BNC2: variants seen among roughly 807,000 people sequenced by gnomAD.
The protein encoded by BNC2 is zinc finger protein basonuclin-2.
Under a neutral mutation model 76.3 loss-of-function variants are expected in BNC2, and 20 were observed. That is an observed-to-expected ratio of 0.26 (90% CI 0.18 to 0.38). BNC2 has a LOEUF of 0.38. Ranked by LOEUF, BNC2 falls within the 10% of genes least tolerant of loss-of-function variation. The probability of loss-of-function intolerance (pLI) is 1.00; values close to 1 mark genes in which losing one functional copy is unlikely to be tolerated. For missense variants in BNC2, 1,382 were observed against 1,399.8 expected, an observed-to-expected ratio of 0.99 and a Z score of 0.20; for synonymous variants, 582 against 514.8, an observed-to-expected ratio of 1.13 and a Z score of -1.77.
At chr9:16,870,489 T>C (rs1476634292) in intron 1 of BNC2, among the ~76,000 whole-genome samples, 157 bp downstream of exon 1, 1 of 151,830 alleles carries the variant, frequency 6.6e-6, no homozygotes, top group Admixed American at 6.6e-5. Flanking sequence ...GGACCGGGGT[T>C]CTGGTCCCCG....
intron 5 of BNC2, among the ~76,000 whole-genome samples, chr9:16,542,910 A>G (rs1002193898): frequency 1.3e-5 from 2 of 152,166 alleles, no homozygotes; most frequent in Admixed American, 6.6e-5. Context: ...CAGCACTTGA[A>G]GTAAGTCACT....
intron 3 of BNC2, among the ~76,000 whole-genome samples, chr9:16,628,344 C>T (rs1245661514): frequency 6.6e-6 from 1 of 152,160 alleles, no homozygotes; most frequent in African/African-American, 2.4e-5. Context: ...GAGAAAGTTT[C>T]AGAAATTACA....
intron 5 of BNC2, among the ~76,000 whole-genome samples, chr9:16,494,030 G>T (rs1322766771): frequency 6.6e-6 from 1 of 152,178 alleles, no homozygotes; most frequent in Non-Finnish European, 1.5e-5. Flanking sequence ...GTTTGGTTTT[G>T]TCCTAGGCAC....
Position 16,756,883 on chromosome 9 carries a change from C to T in BNC2, c.4-18398G>A, listed in dbSNP as rs192409250. On this transcript the variant is annotated intron_variant, in intron 1 of 6. Transcript: ENST00000380672. ...GCAGGTGCCTGTAGTCCCAGCTACT[C>T]GGGAGGCTGAGGCAGGAGAATGGCC... is the stretch of plus-strand genomic sequence containing the variant. Among the ~76,000 whole-genome samples, 884 of 151,386 alleles carry T rather than the reference C, an allele frequency of 5.8e-3. 4 individuals are homozygous for T. Among genetic ancestry groups the T allele is most frequent in the African/African-American group, 0.019 (799 of 41,170 alleles).
chr9:16,658,092 T>C (rs956596404), intron 3 of BNC2, among the ~76,000 whole-genome samples: 7 of 152,218 alleles, frequency 4.6e-5, no homozygotes, highest in African/African-American at 1.7e-4. Flanking sequence ...GAGATCCTAA[T>C]TTACTAATTT....
chr9:16,803,365 T>C (rs1455838223), intron 1 of BNC2, among the ~76,000 whole-genome samples: 1 of 152,196 alleles, frequency 6.6e-6, no homozygotes, highest in Non-Finnish European at 1.5e-5. Flanking sequence ...AATACGTACC[T>C]CTGCCCCAAA....
chr9:16,499,353 T>G (rs1325036413), intron 5 of BNC2, among the ~76,000 whole-genome samples: 1 of 152,096 alleles, frequency 6.6e-6, no homozygotes, highest in South Asian at 2.1e-4. Context: ...AATTAGTTTG[T>G]ATTAATCTAC....
chr9:16,749,463 G>A (rs1825117938), intron 1 of BNC2, among the ~76,000 whole-genome samples: 1 of 152,156 alleles, frequency 6.6e-6, no homozygotes, highest in Non-Finnish European at 1.5e-5. Context: ...TGGGAGACCA[G>A]GGCGGGAAAG....
intron 3 of BNC2, among the ~76,000 whole-genome samples, chr9:16,588,455 G>A (rs1587205271): frequency 6.6e-6 from 1 of 152,162 alleles, no homozygotes; most frequent in Admixed American, 6.5e-5. Flanking sequence ...TTATGGTTCA[G>A]AAACGTTTAT....
intron 1 of BNC2, among the ~76,000 whole-genome samples, chr9:16,860,765 G>A (rs1222517979): frequency 1.3e-5 from 2 of 152,136 alleles, no homozygotes; most frequent in Admixed American, 6.5e-5. Context: ...AGCCGGGGCT[G>A]GGCGTGGTGG....
chr9:16,857,860 G>A (rs1240225029), intron 1 of BNC2, among the ~76,000 whole-genome samples: 1 of 152,208 alleles, frequency 6.6e-6, no homozygotes, highest in Admixed American at 6.5e-5. Context: ...AGAACTGTAA[G>A]GGAATGAATA....
intron 3 of BNC2, among the ~76,000 whole-genome samples, chr9:16,636,192 A>C (rs752996584): frequency 6.6e-6 from 1 of 152,206 alleles, no homozygotes; most frequent in Non-Finnish European, 1.5e-5. Flanking sequence ...TTGGTCATAT[A>C]ATCATAATGC....
intron 3 of BNC2, among the ~76,000 whole-genome samples, chr9:16,594,818 G>T (rs1006711304): frequency 2.0e-5 from 3 of 152,038 alleles, no homozygotes; most frequent in Non-Finnish European, 4.4e-5. Flanking sequence ...CTCAGCCTGG[G>T]CATGGGAGGA....
At chr9:16,514,246 A>AAATTAG (rs1337208385) in intron 5 of BNC2, among the ~76,000 whole-genome samples, 2 of 152,178 alleles carry the variant, frequency 1.3e-5, no homozygotes, top group African/African-American at 4.8e-5. Flanking sequence ...GCAGCCTGAG[A>AAATTAG]GTTACTAGGT....
At chr9:16,708,226 C>T (rs1166449513) in intron 3 of BNC2, among the ~76,000 whole-genome samples, 3 of 152,126 alleles carry the variant, frequency 2.0e-5, no homozygotes, top group Non-Finnish European at 2.9e-5. Flanking sequence ...CCGTGATTTC[C>T]ATTTTCCTTG....
chr9:16,528,507 T>C (rs1817880141), intron 5 of BNC2, among the ~76,000 whole-genome samples: 2 of 152,234 alleles, frequency 1.3e-5, no homozygotes, highest in African/African-American at 4.8e-5. Flanking sequence ...TCTATAGTTA[T>C]CTACTTTGTT....
At chr9:16,810,865 T>G (rs1027926351) in intron 1 of BNC2, among the ~76,000 whole-genome samples, 4 of 152,254 alleles carry the variant, frequency 2.6e-5, no homozygotes, top group African/African-American at 9.6e-5. Flanking sequence ...AAACCAGAAC[T>G]CTGAGCTGTC....
chr9:16,773,748 G>T (rs192399342), intron 1 of BNC2, among the ~76,000 whole-genome samples: 1 of 152,164 alleles, frequency 6.6e-6, no homozygotes, highest in Admixed American at 6.5e-5. Flanking sequence ...CTTATCAGCT[G>T]CTGGGTGTTG....
chr9:16,666,212 CA>C (rs1484168199), intron 3 of BNC2, among the ~76,000 whole-genome samples: 1 of 152,128 alleles, frequency 6.6e-6, no homozygotes, highest in Non-Finnish European at 1.5e-5. Context: ...TACCTTCTAA[CA>C]TACTTTCCTC....
Sources: allele counts gnomAD v4.1 joint callset (sites outside exome capture counted in the v4.1 genomes callset), GRCh38; gene constraint gnomAD v4.1.1; transcripts MANE v1.5; gene names NCBI Gene and HGNC (gene_info 2026-07-23, HGNC 2026-07-21).